PCDH15: variants seen among roughly 807,000 people sequenced by gnomAD.
PCDH15 encodes the protein protocadherin related 15.
A neutral mutation model predicts 178.5 loss-of-function variants in PCDH15; 129 were observed. The observed-to-expected ratio is 0.72, with a 90% confidence interval of 0.63 to 0.84. PCDH15 has a LOEUF of 0.84. Ranked by LOEUF, PCDH15 falls within the 40% of genes least tolerant of loss-of-function variation. The pLI, the probability that PCDH15 is intolerant of heterozygous loss-of-function variation, is 0.00. For missense variants in PCDH15, 2,230 were observed against 2,099.9 expected (o/e 1.06, Z -1.21); for synonymous variants, 800 against 732.0 (o/e 1.09, Z -1.50).
At chr10:55,038,721 T>A (rs1285796145) in intron 2 of PCDH15, among the ~76,000 whole-genome samples, 2 of 152,088 alleles carry the variant, frequency 1.3e-5, no homozygotes, top group East Asian at 3.9e-4. Context: ...TCCATCCAAT[T>A]TGGGTGGTGA....
intron 2 of PCDH15, among the ~76,000 whole-genome samples, chr10:55,520,402 T>C (rs1841146182): frequency 6.9e-6 from 1 of 145,442 alleles, no homozygotes; most frequent in Non-Finnish European, 1.5e-5. Flanking sequence ...GTACTGTAAC[T>C]ACTATTTATA....
intron 2 of PCDH15, among the ~76,000 whole-genome samples, chr10:55,076,925 C>T (rs566597522): frequency 6.6e-5 from 10 of 151,708 alleles, no homozygotes; most frequent in African/African-American, 2.2e-4. Context: ...TCTGCCACCA[C>T]GACTGGCTAA....
chr10:54,227,582 A>G (rs756563796), intron 9 of PCDH15, among the ~76,000 whole-genome samples: 35 of 152,210 alleles, frequency 2.3e-4, no homozygotes, highest in Non-Finnish European at 4.9e-4. Context: ...TATCTACAGG[A>G]TTAACATACA....
rs559490035 is a variant in PCDH15 at position 54,357,539 on chromosome 10, C to G, written c.475-11055G>C. Reference sequence around the variant, plus strand: ...GGATACAAACAAATGGAAGAACATTCCATGCTCATGGGTAGGAAGAATCAA... The same window carrying G: ...GGATACAAACAAATGGAAGAACATTGCATGCTCATGGGTAGGAAGAATCAA... On this transcript the variant is annotated intron_variant, in intron 5 of 37. Transcript: ENST00000644397. 2.7e-3 allele frequency among the ~76,000 whole-genome samples: 417 copies of G among 152,178 alleles called. 1 individual carries two copies. Among genetic ancestry groups the G allele is most frequent in the South Asian group, 0.011 (51 of 4,822 alleles).
At chr10:54,985,634 T>G (rs1839345028) in intron 2 of PCDH15, among the ~76,000 whole-genome samples, 1 of 152,204 alleles carries the variant, frequency 6.6e-6, no homozygotes, top group South Asian at 2.1e-4. Context: ...CTAGAAGCTG[T>G]GGCTAACTAC....
intron 3 of PCDH15, among the ~76,000 whole-genome samples, chr10:54,869,576 G>A (rs1417487865): frequency 6.6e-6 from 1 of 152,138 alleles, no homozygotes; most frequent in Non-Finnish European, 1.5e-5. Flanking sequence ...TTCTCTTGGA[G>A]CAAGTTGTTT....
chr10:54,993,107 A>T (rs1483293320), intron 2 of PCDH15, among the ~76,000 whole-genome samples: 1 of 152,162 alleles, frequency 6.6e-6, no homozygotes. Flanking sequence ...GAATATAAAG[A>T]AAACCAGATG....
chr10:54,893,768 G>A (rs1954504055), intron 3 of PCDH15, among the ~76,000 whole-genome samples: 2 of 151,984 alleles, frequency 1.3e-5, no homozygotes, highest in South Asian at 2.1e-4. Flanking sequence ...AGATAAAACT[G>A]TTATAGAATT....
chr10:54,204,563 T>C (rs559692989), intron 10 of PCDH15, among the ~76,000 whole-genome samples: 1 of 151,786 alleles, frequency 6.6e-6, no homozygotes, highest in South Asian at 2.1e-4. Context: ...TACACTTTCC[T>C]GTATGTCAGC....
intron 1 of PCDH15, among the ~76,000 whole-genome samples, chr10:54,675,615 A>G (rs537561071): frequency 2.6e-5 from 4 of 152,064 alleles, no homozygotes; most frequent in Admixed American, 1.3e-4. Context: ...CTCATGTAAG[A>G]CTTCTCTGAC....
chr10:54,937,014 T>A (rs1354459167), intron 2 of PCDH15, among the ~76,000 whole-genome samples: 1 of 151,960 alleles, frequency 6.6e-6, no homozygotes, highest in Non-Finnish European at 1.5e-5. Flanking sequence ...TGGAATTAAT[T>A]TTTGTGCATC....
At position 54,922,851 on chromosome 10, in the gene PCDH15, G is replaced by T. The variant is rs552414920; in HGVS notation, c.-79-25351C>A. 5.9e-5 allele frequency among the ~76,000 whole-genome samples: 9 copies of T among 152,270 alleles called. No individual in the cohort carries two copies. In the South Asian group the frequency reaches 1.7e-3, roughly 28 times the overall value. Reference sequence around the variant, plus strand: ...CTTTTTCAGGTGCATAGTGCAAACTGTTGATGGATCAAACATTTTGGGGTT... The same window carrying T: ...CTTTTTCAGGTGCATAGTGCAAACTTTTGATGGATCAAACATTTTGGGGTT... On this transcript the variant is annotated intron_variant, in intron 2 of 5. Transcript: ENST00000458638.
intron 28 of PCDH15, among the ~76,000 whole-genome samples, chr10:53,854,618 A>C (rs571092576): frequency 6.6e-6 from 1 of 152,114 alleles, no homozygotes; most frequent in Non-Finnish European, 1.5e-5. Flanking sequence ...TGAAACCATA[A>C]TCTGCATTCC....
intron 15 of PCDH15, among the ~76,000 whole-genome samples, chr10:54,095,846 T>G (rs1357493694): frequency 6.6e-6 from 1 of 152,160 alleles, no homozygotes; most frequent in African/African-American, 2.4e-5. Context: ...AACCTTGGAA[T>G]ACAAAGAGAT....
chr10:55,116,905 C>T lies in PCDH15; in HGVS notation c.-80+49671G>A, dbSNP rs368316400. The stretch of plus-strand genomic sequence containing the variant: ...AAAAGAATGCCCTAATCTCTGAAGA[C>T]ACATGGAACAGAAAGAATAGTCTAA... On this transcript the variant is annotated intron_variant, in intron 2 of 5. Transcript: ENST00000458638. 3.9e-5 allele frequency among the ~76,000 whole-genome samples: 6 copies of T among 152,276 alleles called. No homozygotes were observed. The East Asian group carries it at 1.2e-3, about 29-fold the overall frequency.
intron 2 of PCDH15, among the ~76,000 whole-genome samples, chr10:55,122,478 A>G (rs2132067753): frequency 6.6e-6 from 1 of 152,274 alleles, no homozygotes; most frequent in South Asian, 2.1e-4. Flanking sequence ...AGACTTGCTA[A>G]GTTTAAATAT....
chr10:54,657,151 A>C (rs2094420518), intron 2 of PCDH15, among the ~76,000 whole-genome samples: 1 of 152,250 alleles, frequency 6.6e-6, no homozygotes, highest in African/African-American at 2.4e-5. Context: ...CCGGAGGGGC[A>C]TACCCATGGT....
intron 6 of PCDH15, among the ~76,000 whole-genome samples, chr10:54,343,257 G>A (rs1012978800): frequency 6.6e-6 from 1 of 152,072 alleles, no homozygotes; most frequent in Admixed American, 6.5e-5. Flanking sequence ...GGATCATGGG[G>A]CAGTTTTCCC....
intron 2 of PCDH15, among the ~76,000 whole-genome samples, chr10:55,513,422 C>A (rs1283441231): frequency 6.6e-6 from 1 of 152,048 alleles, no homozygotes. Context: ...ATCTACCTTT[C>A]TTTCAATTAG....
Sources: allele counts gnomAD v4.1 joint callset (sites outside exome capture counted in the v4.1 genomes callset), GRCh38; gene constraint gnomAD v4.1.1; transcripts MANE v1.5; gene names NCBI Gene and HGNC (gene_info 2026-07-23, HGNC 2026-07-21).